LRRK1: variants seen among roughly 807,000 people sequenced by gnomAD.
LRRK1 encodes the protein leucine rich repeat kinase 1, also known as leucine-rich repeat serine/threonine-protein kinase 1.
LRRK1 carries 113 observed loss-of-function variants against 209.1 expected under a neutral mutation model. That is an observed-to-expected ratio of 0.54 (90% confidence interval 0.46 to 0.63). The LOEUF (loss-of-function observed/expected upper bound fraction) is 0.63. LRRK1 is among the 30% of genes least tolerant of loss of function. The pLI is 0.00. For synonymous variants in LRRK1, 1,144 were observed against 1,099.7 expected (o/e 1.04, Z -0.80); for missense variants, 2,284 against 2,632.2 (o/e 0.87, Z 2.89).
At chr15:101,055,912 G>A (rs988153112) in intron 27 of LRRK1, among the ~76,000 whole-genome samples, 8 of 152,144 alleles carry the variant, frequency 5.3e-5, no homozygotes, top group African/African-American at 1.7e-4. Flanking sequence ...TTATTATCTG[G>A]TGATTCTACA....
chr15:100,973,656 G>T, intron 2 of LRRK1, 148 bp from the exon 3 acceptor site: 1 of 820,398 alleles, frequency 1.2e-6, no homozygotes, highest in Non-Finnish European at 1.6e-6. Flanking sequence ...CGAGCGCAGG[G>T]AGCGTCGCGG....
intron 2 of LRRK1, among the ~76,000 whole-genome samples, chr15:100,971,052 G>A (rs2030841667): frequency 1.3e-5 from 2 of 152,120 alleles, no homozygotes; most frequent in South Asian, 4.2e-4. Flanking sequence ...AGAAAAACAA[G>A]GCCAGGCGCA....
chr15:100,929,900 G>A (rs976781178), intron 2 of LRRK1, among the ~76,000 whole-genome samples: 1 of 152,226 alleles, frequency 6.6e-6, no homozygotes, highest in Non-Finnish European at 1.5e-5. Flanking sequence ...CAGGCGAGGT[G>A]GCTGTGTGCG....
At position 101,021,185 on chromosome 15, in the gene LRRK1, A is replaced by C. The variant is rs2033766816; in HGVS notation, c.1739+3A>C. Reference sequence around the variant, plus strand: ...TTATCAGAGCTCTACTTGGGAAAGTAAGTACACATCTGGAGGGGCCGTGCT... The same window carrying C: ...TTATCAGAGCTCTACTTGGGAAAGTCAGTACACATCTGGAGGGGCCGTGCT... On this transcript the variant is annotated splice_donor_region_variant and intron_variant, in intron 13 of 33. Transcript: ENST00000388948. 5 of 1,614,028 alleles carry C rather than the reference A, an allele frequency of 3.1e-6. No homozygotes were observed. Among genetic ancestry groups the C allele is most frequent in the Non-Finnish European group, 3.4e-6 (4 of 1,179,920 alleles).
rs1267137737 is a variant in LRRK1 at position 101,015,370 on chromosome 15, C to T, written c.1577C>T (p.Thr526Ile). 1.9e-6 allele frequency: 3 copies of T among 1,613,636 alleles called. No homozygotes were observed. The highest frequency in any genetic ancestry group is 2.5e-6 in the Non-Finnish European group (3 of 1,179,812). The part of the protein sequence containing the change: ...LKTKRIAFFT[T>I]RGRQRSGTEA... ...ACGAAGCGTATTGCCTTTTTCACCA[C>T]CAGAGGTCGCCAGCGCTCCGGGACT... is the stretch of plus-strand genomic sequence containing the variant. The change falls in exon 12 of 34, where the codon ACC becomes ATC. Residue 526 changes from threonine (T) to isoleucine (I), a missense_variant. Transcript: ENST00000388948.
chr15:101,066,855 AGCCACTAACGTGGCT>A, intron 33 of LRRK1, 114 bp downstream of exon 33: 1 of 962,838 alleles, frequency 1.0e-6, no homozygotes. Context: ...CAAATAGCAT[AGCCACTAACGTGGCT>A]GTAAGGCAAA....
chr15:100,937,827 G>A (rs548378591), intron 2 of LRRK1, among the ~76,000 whole-genome samples: 11 of 151,456 alleles, frequency 7.3e-5, no homozygotes, highest in South Asian at 4.2e-4. Context: ...GAGCCACTGC[G>A]CCCAGCCTAT....
At chr15:100,944,450 T>C (rs1314247317) in intron 2 of LRRK1, among the ~76,000 whole-genome samples, 1 of 152,226 alleles carries the variant, frequency 6.6e-6, no homozygotes, top group Non-Finnish European at 1.5e-5. Flanking sequence ...CTTTCACTTC[T>C]GTTCAGCATT....
Position 101,071,180 on chromosome 15 carries a change from G to GAAGA in LRRK1, c.*2333_*2336dup, listed in dbSNP as rs1195208957. 6.6e-6 allele frequency: 1 copy of GAAGA among 152,344 alleles called. No individual in the cohort carries two copies. Among genetic ancestry groups the GAAGA allele is most frequent in the Non-Finnish European group, 1.5e-5 (1 of 68,198 alleles). 9.4% of individuals were successfully genotyped at this position (152,344 alleles called of 1,614,324 possible). On this transcript the variant is annotated 3_prime_UTR_variant, in exon 34 of 34. Transcript: ENST00000388948. ...TGCCCAGTGACCTCTGGCGGGTGTA[G>GAAGA]AAGAGCTCATGCTTCAGTGAGGGGG...
At position 101,027,132 on chromosome 15, in the gene LRRK1, C is replaced by A; in HGVS notation, c.2406-129C>A. ...CACAAAGCAAGGCCTCAATAAACTT[C>A]TTGTGTTGTCTTTCACGAGTTCTCC... On this transcript the variant is annotated intron_variant, in intron 17 of 33. Transcript: ENST00000388948. This position sits in a 1 kb window ranked among gnomAD's most constrained non-coding sequence, Gnocchi z 5.1. 1 of 1,185,496 alleles carries A rather than the reference C, an allele frequency of 8.4e-7. No homozygotes were observed. Among genetic ancestry groups the A allele is most frequent in the Non-Finnish European group, 1.2e-6 (1 of 847,178 alleles). 73.4% of individuals were successfully genotyped at this position (1,185,496 alleles called of 1,614,324 possible).
At position 101,009,024 on chromosome 15, in the gene LRRK1, T is replaced by C. The variant is rs778760210; in HGVS notation, c.950T>C (p.Leu317Pro). The C allele has an allele frequency of 6.2e-7, 1 of 1,614,194 alleles. No individual in the cohort carries two copies. Among genetic ancestry groups the C allele is most frequent in the African/African-American group, 1.3e-5 (1 of 75,052 alleles). ...LNLSDNHLGELPGVQSSDEII... is the reference protein window; with the variant it reads ...LNLSDNHLGEPPGVQSSDEII... ...CTCTCCGACAACCACCTGGGGGAGC[T>C]GCCTGGCGTGCAGTCATCGGACGAA... The change falls in exon 7 of 34, where the codon CTG (leucine) becomes CCG (proline). Residue 317 changes from leucine to proline, a missense_variant. Transcript: ENST00000388948.
chr15:101,015,988 C>CT (rs112045047), intron 12 of LRRK1, among the ~76,000 whole-genome samples: 162 of 143,280 alleles, frequency 1.1e-3, no homozygotes, highest in Admixed American at 1.5e-3. Context: ...TCTTCCTCTT[C>CT]TTTTTTTTTT....
In LRRK1 at chr15:100,988,670, T is replaced by A. The variant is rs1412103908; in HGVS notation, c.470T>A (p.Leu157Gln). The A allele has an allele frequency of 1.2e-6, 2 of 1,614,122 alleles. No individual in the cohort carries two copies. Among genetic ancestry groups the A allele is most frequent in the Non-Finnish European group, 1.7e-6 (2 of 1,180,058 alleles). The change falls in exon 5 of 34, where the codon CTG becomes CAG. Residue 157 changes from leucine (L) to glutamine (Q), a missense_variant. Physicochemically the swap from Leu to Gln is moderately radical, Grantham distance 113. Transcript: ENST00000388948. ...CSPQRLLNWM[L>Q]ALACQRGHLG... ...CCCCAGCGGCTTCTGAACTGGATGC[T>A]GGCCTTGGCTTGCCAGCGAGGGCAC...
intron 20 of LRRK1, among the ~76,000 whole-genome samples, chr15:101,045,505 A>G (rs886599593): frequency 6.6e-6 from 1 of 152,226 alleles, no homozygotes; most frequent in Non-Finnish European, 1.5e-5. Flanking sequence ...CGTCGTGTCA[A>G]CGGGCCAAGA....
Position 101,021,179 on chromosome 15 carries a change from G to T in LRRK1, c.1736G>T (p.Gly579Val), listed in dbSNP as rs745344763. ...AAGAGCTTATCAGAGCTCTACTTGG[G>T]AAAGTAAGTACACATCTGGAGGGGC... ...LLKSLSELYL[G>V]NNPGLRELPP... The change falls in exon 13 of 34, where the codon GGA becomes GTA. Residue 579 changes from glycine (G) to valine (V), a missense_variant. Physicochemically the swap from Gly to Val is moderately radical, Grantham distance 109 (BLOSUM62 -3). Around this residue, in one of 6 missense-constraint regions of LRRK1, gnomAD observed 494 missense variants for 522.1 expected, o/e 0.95. Transcript: ENST00000388948. 6.2e-7 allele frequency: 1 copy of T among 1,614,012 alleles called. No individual in the cohort carries two copies.
rs187751223 is a variant in LRRK1, at chr15:101,022,289, C to T, written c.1853-94C>T. ...TTCCTTAACTGTCCCCACTAAAACA[C>T]AAAGAAGGAGTTCCTTCACAACAGG... On this transcript the variant is annotated intron_variant, in intron 14 of 33. Coordinates refer to ENST00000388948, the MANE Select transcript of LRRK1 (RefSeq NM_024652.6). The surrounding 1 kb of genome is among the most constrained non-coding windows in gnomAD (Gnocchi z 4.0). The T allele has an allele frequency of 5.3e-5, 66 of 1,239,014 alleles. 1 individual carries two copies. In the East Asian group the frequency reaches 1.1e-3, roughly 20 times the overall value. The allele number at this position is 1,239,014 out of a possible 1,614,324, so 76.8% of individuals were successfully genotyped here.
chr15:100,983,116 A>C (rs999931726), intron 3 of LRRK1, among the ~76,000 whole-genome samples: 4 of 152,230 alleles, frequency 2.6e-5, no homozygotes, highest in Non-Finnish European at 4.4e-5. Flanking sequence ...TCAAGGCTGC[A>C]GTGAGCTGAG....
At chr15:100,936,217 TAAG>T (rs1267052411) in intron 2 of LRRK1, among the ~76,000 whole-genome samples, 3 of 152,236 alleles carry the variant, frequency 2.0e-5, no homozygotes, top group Non-Finnish European at 4.4e-5. Flanking sequence ...GAAAATATTT[TAAG>T]AAGTCAAACC....
At chr15:101,052,137 C>A (rs2035493072) in intron 24 of LRRK1, among the ~76,000 whole-genome samples, 177 bp downstream of exon 24, 1 of 152,134 alleles carries the variant, frequency 6.6e-6, no homozygotes, top group South Asian at 2.1e-4. Context: ...TGAAAGGAAC[C>A]AGGCTGCCGG....
Sources: allele counts gnomAD v4.1 joint callset (sites outside exome capture counted in the v4.1 genomes callset), GRCh38; gene constraint gnomAD v4.1.1; regional missense constraint gnomAD v4.1.1; non-coding constraint Gnocchi (gnomAD v3.1); transcripts MANE v1.5; gene names NCBI Gene and HGNC (gene_info 2026-07-23, HGNC 2026-07-21).